Variants in CCDC38 observed in about 807,000 individuals in gnomAD.
The protein encoded by CCDC38 is coiled-coil domain-containing protein 38.
Under a neutral mutation model 72.8 loss-of-function variants are expected in CCDC38, and 69 were observed. The ratio of observed to expected loss-of-function variants is 0.95; its 90% CI spans 0.78 to 1.16. The LOEUF is 1.16. Among genes scored for constraint, CCDC38 ranks in the 50% most tolerant of loss-of-function variants. CCDC38 has a pLI of 0.00. For synonymous variants in CCDC38, 201 were observed against 213.2 expected (o/e 0.94, Z 0.50); for missense variants, 626 against 638.9 (o/e 0.98, Z 0.22).
chr12:95,896,087 AAG>A (rs142762475), intron 7 of CCDC38, among the ~76,000 whole-genome samples: 14,746 of 150,286 alleles, frequency 0.098, 1,274 homozygotes, highest in African/African-American at 0.24. Flanking sequence ...AAAGTAGCAA[AAG>A]ATGGTACATT....
intron 3 of CCDC38, among the ~76,000 whole-genome samples, chr12:95,918,165 AC>A (rs1220693753): frequency 6.6e-6 from 1 of 152,168 alleles, no homozygotes; most frequent in African/African-American, 2.4e-5. Flanking sequence ...TGAAATGTGA[AC>A]CAGGCGATGT....
chr12:95,874,168 T>C (rs1253369127), intron 13 of CCDC38, among the ~76,000 whole-genome samples: 2 of 152,206 alleles, frequency 1.3e-5, no homozygotes, highest in Non-Finnish European at 2.9e-5. Flanking sequence ...GATTGAAATA[T>C]TGTAAATTGC....
chr12:95,898,573 C>T lies in CCDC38; in HGVS notation c.528G>A (p.Leu176=). 1 of 1,614,036 alleles carries T rather than the reference C, an allele frequency of 6.2e-7. No homozygotes were observed. ...RENDQRSVDA[L]KMAAQETINK... ...GCCAGAGTGATGAAACAAACATTTT[C>T]AGAGCGTCTACAGATCTCTGGTCAT... Residue 176 remains leucine, a synonymous_variant, in exon 6 of 16, where the codon CTG becomes CTA. Coordinates refer to ENST00000344280, the MANE Select transcript of CCDC38 (RefSeq NM_182496.3).
chr12:95,875,782 T>G (rs1414742436), intron 13 of CCDC38, among the ~76,000 whole-genome samples: 1 of 152,224 alleles, frequency 6.6e-6, no homozygotes, highest in African/African-American at 2.4e-5. Context: ...AAATTTACAC[T>G]TGTGATCAAA....
At chr12:95,924,696 C>G (rs1261559736) in intron 2 of CCDC38, among the ~76,000 whole-genome samples, 1 of 151,210 alleles carries the variant, frequency 6.6e-6, no homozygotes, top group Non-Finnish European at 1.5e-5. Flanking sequence ...GTCTTTAATC[C>G]ATCTTGAATT....
At chr12:95,894,482 G>T (rs979873027) in intron 8 of CCDC38, among the ~76,000 whole-genome samples, 6 of 152,184 alleles carry the variant, frequency 3.9e-5, no homozygotes, top group African/African-American at 1.4e-4. Flanking sequence ...AAGATGCTTA[G>T]GTCATGGGGG....
At chr12:95,871,159 A>G (rs1041203640) in intron 14 of CCDC38, among the ~76,000 whole-genome samples, 12 of 152,200 alleles carry the variant, frequency 7.9e-5, no homozygotes, top group African/African-American at 2.9e-4. Context: ...TAGGGGTCAT[A>G]TTTACAATAA....
chr12:95,933,859 C>T (rs2080362991), intron 2 of CCDC38: 1 of 152,030 alleles, frequency 6.6e-6, no homozygotes, highest in Admixed American at 6.6e-5. Context: ...TGATCTAAAC[C>T]ATACAACAGT....
At chr12:95,917,632 G>T (rs1388253672) in intron 3 of CCDC38, among the ~76,000 whole-genome samples, 1 of 152,066 alleles carries the variant, frequency 6.6e-6, no homozygotes, top group African/African-American at 2.4e-5. Context: ...TGGTGCTTTG[G>T]GAGTCCAAGG....
At position 95,869,563 on chromosome 12, in the gene CCDC38, C is replaced by T. The variant is rs148393277; in HGVS notation, c.1495G>A (p.Glu499Lys). The T allele has an allele frequency of 5.6e-6, 9 of 1,612,656 alleles. No individual in the cohort carries two copies. The highest frequency in any genetic ancestry group is 5.3e-5 in the African/African-American group (4 of 74,842). ...QKEWRQKFRD[E>K]KMKEKQRHQQ... ...TGTCTTTGTTTTTCTTTCATTTTCT[C>T]ATCACGAAACCTGTCACAAGAAGGG... The change falls in exon 15 of 16, where the codon GAG (glutamate) becomes AAG (lysine). Residue 499 changes from glutamate to lysine, a missense_variant. Glu to Lys is a moderately conservative substitution (Grantham distance 56, BLOSUM62 1). Transcript: ENST00000344280.
intron 8 of CCDC38, among the ~76,000 whole-genome samples, chr12:95,892,278 C>CTTTTTTTTTT (rs774500212): frequency 5.3e-5 from 4 of 75,980 alleles, no homozygotes; most frequent in Non-Finnish European, 6.9e-5. Context: ...TTATTACAAT[C>CTTTTTTTTTT]TTTTTTTTTT....
chr12:95,890,030 A>C lies in CCDC38; in HGVS notation c.871+802T>G, dbSNP rs765681777. On this transcript the variant is annotated intron_variant, in intron 9 of 15. Transcript: ENST00000344280. The stretch of plus-strand genomic sequence containing the variant: ...GGGCTCAAGCGATCCTCCTACCTCA[A>C]CCTCCTCAGCAGCTGGGACTATAGG... Among the ~76,000 whole-genome samples, 3 of 151,624 alleles carry C rather than the reference A, an allele frequency of 2.0e-5. No individual in the cohort carries two copies. The East Asian group carries it at 5.8e-4, about 29-fold the overall frequency.
chr12:95,867,122 T>A lies in CCDC38; in HGVS notation c.1646A>T (p.Asn549Ile), dbSNP rs1192340742. ...CTCTTGTGATTTTGTTTTTGTTTCA[T>A]TGACTAAAGGTAGCTGCTGTTTGTT... ...SGNKQQLPLV[N>I]ETKTKSQEEE... Residue 549 changes from asparagine to isoleucine, a missense_variant, in exon 16 of 16, where the codon AAT (asparagine) becomes ATT (isoleucine). Asn to Ile is a moderately radical substitution (Grantham distance 149). Transcript: ENST00000344280. 1 of 1,609,682 alleles carries A rather than the reference T, an allele frequency of 6.2e-7. No homozygotes were observed. Among genetic ancestry groups the A allele is most frequent in the East Asian group, 2.2e-5 (1 of 44,766 alleles).
chr12:95,900,403 A>T (rs192424660), intron 5 of CCDC38, among the ~76,000 whole-genome samples: 2 of 152,356 alleles, frequency 1.3e-5, no homozygotes, highest in Non-Finnish European at 2.9e-5. Context: ...GTCTTTATTC[A>T]GACGAAAACG....
chr12:95,915,692 G>A (rs2080137131), intron 4 of CCDC38, among the ~76,000 whole-genome samples: 1 of 152,196 alleles, frequency 6.6e-6, no homozygotes, highest in Non-Finnish European at 1.5e-5. Context: ...TACAGTCTGA[G>A]GGTGACTTCT....
intron 7 of CCDC38, chr12:95,896,551 T>C (rs1287565780): frequency 1.3e-5 from 2 of 152,370 alleles, no homozygotes; most frequent in East Asian, 1.9e-4. Context: ...CTGCTTCACG[T>C]ATCACCAGTT....
chr12:95,925,586 T>G lies in CCDC38; in HGVS notation c.38-6610A>C, dbSNP rs373569616. On this transcript the variant is annotated intron_variant, in intron 2 of 15. Coordinates refer to ENST00000344280, the MANE Select transcript of CCDC38 (RefSeq NM_182496.3). ...GAACTTCCAACACGATGTTGAATAG[T>G]AGTGGTGAGAGAGGGCATCCCTGTC... is the stretch of plus-strand genomic sequence containing the variant. 2.7e-3 allele frequency among the ~76,000 whole-genome samples: 404 copies of G among 152,206 alleles called. 11 individuals are homozygous for G. In the South Asian group the frequency reaches 0.067, roughly 25 times the overall value.
At chr12:95,924,368 T>C (rs2080244969) in intron 2 of CCDC38, among the ~76,000 whole-genome samples, 1 of 147,288 alleles carries the variant, frequency 6.8e-6, no homozygotes, top group African/African-American at 2.5e-5. Context: ...TTCATGTCCT[T>C]CACCCACTTT....
intron 4 of CCDC38, among the ~76,000 whole-genome samples, chr12:95,916,416 CCTTT>C (rs746856348): frequency 7.0e-6 from 1 of 143,786 alleles, no homozygotes; most frequent in East Asian, 2.0e-4. Flanking sequence ...TTCCTTCCTT[CCTTT>C]TTTCCCTTCT....
Sources: allele counts gnomAD v4.1 joint callset (sites outside exome capture counted in the v4.1 genomes callset), GRCh38; gene constraint gnomAD v4.1.1; transcripts MANE v1.5; gene names NCBI Gene and HGNC (gene_info 2026-07-23, HGNC 2026-07-21).